IFT172: variants seen among roughly 807,000 people sequenced by gnomAD.
IFT172 encodes intraflagellar transport 172.
In IFT172, 164 loss-of-function variants were observed where a neutral mutation model predicts 248.9. The ratio of observed to expected loss-of-function variants is 0.66; its 90% confidence interval spans 0.58 to 0.75. IFT172 has a LOEUF of 0.75. Among genes scored for constraint, IFT172 ranks in the 30% least tolerant of loss-of-function variants. IFT172 has a pLI of 0.00. For synonymous variants in IFT172, 729 were observed against 791.6 expected, an observed-to-expected ratio of 0.92 and a Z score of 1.33; for missense variants, 1,950 against 2,192.4, an observed-to-expected ratio of 0.89 and a Z score of 2.21.
rs1030588205 is a variant in IFT172, at chr2:27,483,457, C to T, written c.483-81G>A. The T allele has an allele frequency of 4.3e-6, 6 of 1,398,878 alleles. No homozygotes were observed. In the African/African-American group the frequency reaches 7.1e-5, roughly 17 times the overall value. 86.7% of individuals were successfully genotyped at this position (1,398,878 alleles called of 1,614,324 possible). On this transcript the variant is annotated intron_variant, in intron 6 of 47. Coordinates refer to ENST00000260570, the MANE Select transcript of IFT172 (RefSeq NM_015662.3). The stretch of plus-strand genomic sequence containing the variant: ...AAGCCCCTTTCTCTGTCAAACACAA[C>T]CTTGTCTGTGCTTCCTGCTACCAGT...
chr2:27,476,968 G>T, intron 13 of IFT172: 1 of 591,426 alleles, frequency 1.7e-6, no homozygotes, highest in East Asian at 2.8e-5. Flanking sequence ...GGACTACAGG[G>T]GTGTGCCACC....
Position 27,457,668 on chromosome 2 carries a change from C to A in IFT172, c.3199G>T (p.Ala1067Ser). Residue 1067 changes from alanine to serine, a missense_variant, in exon 29 of 48, where the codon GCC becomes TCC. Ala to Ser is a moderately conservative substitution (Grantham distance 99). Around this residue, in one of 3 missense-constraint regions of IFT172, gnomAD observed 164 missense variants for 239.3 expected, o/e 0.69. Transcript: ENST00000260570. ...TAGGCCTCTTCCCAAAGCCCACTGG[C>A]CCGGTACATGTTCACTGTTGCCTTC... ...EWKATVNMYR[A>S]SGLWEEAYRV... The A allele has an allele frequency of 1.2e-6, 2 of 1,614,202 alleles. No individual in the cohort carries two copies. The highest frequency in any genetic ancestry group is 1.7e-6 in the Non-Finnish European group (2 of 1,180,032).
At chr2:27,487,320 T>G (rs1452800987) in intron 1 of IFT172, among the ~76,000 whole-genome samples, 25 of 152,154 alleles carry the variant, frequency 1.6e-4, no homozygotes, top group Admixed American at 1.6e-3. Context: ...ATCAATTAAT[T>G]CTCCTTTCTC....
rs1238848656 is a variant in IFT172, at chr2:27,445,854, G to A, written c.4816-11C>T. On this transcript the variant is annotated splice_polypyrimidine_tract_variant and intron_variant, in intron 44 of 47. Transcript: ENST00000260570. This position sits in a 1 kb window ranked among gnomAD's most constrained non-coding sequence, Gnocchi z 4.4. Reference sequence around the variant, plus strand: ...CCCTTCCTCGATTGCCTGCAGTAGAGTGGGCAACCATGAACTAGGCACAGC... The same window carrying A: ...CCCTTCCTCGATTGCCTGCAGTAGAATGGGCAACCATGAACTAGGCACAGC... 1.2e-6 allele frequency: 2 copies of A among 1,614,188 alleles called. No individual in the cohort carries two copies. Among genetic ancestry groups the A allele is most frequent in the East Asian group, 2.2e-5 (1 of 44,882 alleles).
chr2:27,476,145 A>G (rs1325823332), intron 14 of IFT172, among the ~76,000 whole-genome samples: 1 of 152,194 alleles, frequency 6.6e-6, no homozygotes. Flanking sequence ...CTAACAGTCT[A>G]TGATTCTATG....
At position 27,447,621 on chromosome 2, in the gene IFT172, A is replaced by G; in HGVS notation, c.4553T>C (p.Val1518Ala). 6.2e-7 allele frequency: 1 copy of G among 1,614,124 alleles called. No individual in the cohort carries two copies. Among genetic ancestry groups the G allele is most frequent in the Non-Finnish European group, 8.5e-7 (1 of 1,180,024 alleles). Residue 1518 changes from valine to alanine, a missense_variant, in exon 42 of 48, where the codon GTG becomes GCG. Coordinates refer to ENST00000260570, the MANE Select transcript of IFT172 (RefSeq NM_015662.3). ...DVLFNLCENLVKSSEANSPAH... is the reference protein window; with the variant it reads ...DVLFNLCENLAKSSEANSPAH... ...TGGAGAGTTTGCCTCACTGGACTTCACCAGGTTTTCACACTAGAGGAGGGA... is the reference window on the plus strand; with the variant it reads ...TGGAGAGTTTGCCTCACTGGACTTCGCCAGGTTTTCACACTAGAGGAGGGA...
chr2:27,453,930 G>T, intron 33 of IFT172, 52 bp downstream of exon 33: 1 of 1,552,518 alleles, frequency 6.4e-7, no homozygotes, highest in Non-Finnish European at 8.7e-7. Context: ...GCTCTCTGTG[G>T]GCTCTTACAA....
chr2:27,454,181 A>G lies in IFT172; in HGVS notation c.3531-19T>C. On this transcript the variant is annotated intron_variant, in intron 32 of 47. Coordinates refer to ENST00000260570, the MANE Select transcript of IFT172 (RefSeq NM_015662.3). The surrounding 1 kb of genome is among the most constrained non-coding windows in gnomAD (Gnocchi z 4.2). ...GACAAACCTGCCTCCAGGTGGGGAC[A>G]GAGGAGAGACTGAGTATAGGACTGA... is the stretch of plus-strand genomic sequence containing the variant. 1 of 1,608,992 alleles carries G rather than the reference A, an allele frequency of 6.2e-7. No homozygotes were observed. The highest frequency in any genetic ancestry group is 8.5e-7 in the Non-Finnish European group (1 of 1,176,882).
At position 27,453,682 on chromosome 2, in the gene IFT172, G is replaced by T. The variant is rs373382907; in HGVS notation, c.3769C>A (p.Leu1257Met). ...RICKDYVPSQLEALQEEYERE... is the reference protein window; with the variant it reads ...RICKDYVPSQMEALQEEYERE... ...TCATATTCTTCCTGCAGAGCCTCCA[G>T]CTGGCTGGGCACATAGTCCTTGCAG... Residue 1257 changes from leucine (L) to methionine (M), a missense_variant, in exon 34 of 48, where the codon CTG (leucine) becomes ATG (methionine). This residue lies in a region of IFT172 where 620 missense variants were observed against 699.0 expected (regional missense o/e 0.89). Coordinates refer to ENST00000260570, the MANE Select transcript of IFT172 (RefSeq NM_015662.3). The T allele has an allele frequency of 6.2e-7, 1 of 1,612,304 alleles. No homozygotes were observed. The highest frequency in any genetic ancestry group is 1.3e-5 in the African/African-American group (1 of 74,818).
At chr2:27,462,655 T>G in intron 20 of IFT172, 46 bp downstream of exon 20, 2 of 1,544,076 alleles carry the variant, frequency 1.3e-6, no homozygotes, top group Non-Finnish European at 1.8e-6. Flanking sequence ...TTTCTCTCTT[T>G]TTCCCTCATA....
At chr2:27,450,378 A>G (rs1385292364) in intron 35 of IFT172, among the ~76,000 whole-genome samples, 2 of 152,074 alleles carry the variant, frequency 1.3e-5, no homozygotes, top group African/African-American at 2.4e-5. Context: ...TGACAAAATC[A>G]TTTTCAAGGT....
rs141440865 is a variant in IFT172, at chr2:27,454,019, C to T, written c.3674G>A (p.Arg1225Gln). Residue 1225 changes from arginine (R) to glutamine (Q), a missense_variant, in exon 33 of 48, where the codon CGG (arginine) becomes CAG (glutamine). This residue lies in a region of IFT172 where 620 missense variants were observed against 699.0 expected (regional missense o/e 0.89). Coordinates refer to ENST00000260570, the MANE Select transcript of IFT172 (RefSeq NM_015662.3). This position sits in a 1 kb window ranked among gnomAD's most constrained non-coding sequence, Gnocchi z 4.2. ...GAGGGCCAGGCCTGGTCTCTGGGCCCGGAGCAGCAGCCCTTCTGCTTTCTG... is the reference window on the plus strand; with the variant it reads ...GAGGGCCAGGCCTGGTCTCTGGGCCTGGAGCAGCAGCCCTTCTGCTTTCTG... The part of the protein sequence containing the change: ...DFQKAEGLLL[R>Q]AQRPGLALNY... The T allele has an allele frequency of 4.0e-4, 652 of 1,613,832 alleles. 1 individual carries two copies. Among genetic ancestry groups the T allele is most frequent in the Admixed American group, 8.8e-4 (53 of 59,932 alleles).
chr2:27,475,901 G>C (rs1667925896), intron 14 of IFT172, among the ~76,000 whole-genome samples: 1 of 151,930 alleles, frequency 6.6e-6, no homozygotes, highest in East Asian at 1.9e-4. Context: ...CAAAGTGGTG[G>C]GATTACAGGT....
chr2:27,468,030 T>C (rs1667241252), intron 16 of IFT172, among the ~76,000 whole-genome samples: 1 of 151,656 alleles, frequency 6.6e-6, no homozygotes, highest in Non-Finnish European at 1.5e-5. Flanking sequence ...TGTGGTGGCA[T>C]GCGCCTGCAG....
Position 27,454,598 on chromosome 2 carries a change from T to C in IFT172, c.3434A>G (p.His1145Arg). The C allele has an allele frequency of 6.2e-7, 1 of 1,614,064 alleles. No homozygotes were observed. The highest frequency in any genetic ancestry group is 8.5e-7 in the Non-Finnish European group (1 of 1,180,010). ...CTCCAGGAACATAGCATATTTGAGA[T>C]GAACCTCGGGGGTTTTGTGCTTGAG... ...LALKHKTPEV[H>R]LKYAMFLEDE... The change falls in exon 31 of 48, where the codon CAT becomes CGT. Residue 1145 changes from histidine to arginine, a missense_variant. Coordinates refer to ENST00000260570, the MANE Select transcript of IFT172 (RefSeq NM_015662.3). The surrounding 1 kb of genome is among the most constrained non-coding windows in gnomAD (Gnocchi z 4.2).
Position 27,447,528 on chromosome 2 carries a change from C to A in IFT172, c.4646G>T (p.Ser1549Ile), listed in dbSNP as rs1314510229. The A allele has an allele frequency of 2.5e-6, 4 of 1,614,100 alleles. No individual in the cohort carries two copies. The highest frequency in any genetic ancestry group is 1.1e-5 in the South Asian group (1 of 91,084). ...CCTACATCTCACCAGCTGTTTGACACTCTGGGCTGCAGAGCGCGTGGCATA... is the reference window on the plus strand; with the variant it reads ...CCTACATCTCACCAGCTGTTTGACAATCTGGGCTGCAGAGCGCGTGGCATA... ...HYYATRSAAQSVKQLETVAAR... is the reference protein window; with the variant it reads ...HYYATRSAAQIVKQLETVAAR... The change falls in exon 42 of 48, where the codon AGT becomes ATT. Residue 1549 changes from serine to isoleucine, a missense_variant. Ser to Ile is a moderately radical substitution (Grantham distance 142, BLOSUM62 -2). Around this residue, in one of 3 missense-constraint regions of IFT172, gnomAD observed 620 missense variants for 699.0 expected, o/e 0.89. Transcript: ENST00000260570.
intron 8 of IFT172, 37 bp downstream of exon 8, chr2:27,481,008 GA>G (rs1668313078): frequency 6.6e-7 from 1 of 1,522,064 alleles, no homozygotes; most frequent in African/African-American, 1.4e-5. Context: ...TGTTCGCAGG[GA>G]AAGTAGGCAG....
intron 1 of IFT172, 87 bp from the exon 2 acceptor site, chr2:27,485,590 C>A (rs1240908092): frequency 6.8e-7 from 1 of 1,478,976 alleles, no homozygotes; most frequent in African/African-American, 1.4e-5. Context: ...TAGTGTAATA[C>A]TGGTCAATTT....
At chr2:27,483,209 G>A (rs1668511264) in intron 7 of IFT172, 80 bp downstream of exon 7, 2 of 827,992 alleles carry the variant, frequency 2.4e-6, no homozygotes, top group Admixed American at 2.0e-5. Context: ...TAGAGACAGG[G>A]TTTCACTGTG....
Sources: gnomAD v4.1 joint callset for allele counts (sites outside exome capture counted in the v4.1 genomes callset) on GRCh38, gnomAD v4.1.1 for gene constraint, gnomAD v4.1.1 regional missense constraint, Gnocchi (gnomAD v3.1) non-coding constraint, MANE v1.5 for transcripts, NCBI Gene and HGNC (gene_info 2026-07-23, HGNC 2026-07-21) for gene names.